B3GALT1: variants seen among roughly 807,000 people sequenced by gnomAD.
B3GALT1 encodes the protein beta-1,3-galactosyltransferase 1.
B3GALT1 carries 10 observed loss-of-function variants against 23.2 expected under a neutral mutation model. The observed-to-expected ratio is 0.43, with a 90% CI of 0.27 to 0.73. The LOEUF (loss-of-function observed/expected upper bound fraction) is 0.73. Ranked by LOEUF, B3GALT1 falls within the 30% of genes least tolerant of loss-of-function variation. B3GALT1 has a pLI of 0.21. For synonymous variants in B3GALT1, 156 were observed against 141.5 expected (o/e 1.10, Z -0.73); for missense variants, 299 against 405.4 (o/e 0.74, Z 2.25).
intron 3 of B3GALT1, among the ~76,000 whole-genome samples, chr2:167,648,447 A>G (rs993029131): frequency 2.4e-4 from 36 of 152,100 alleles, no homozygotes; most frequent in African/African-American, 8.4e-4. Flanking sequence ...CTTACAAGAA[A>G]TGTCTCTACT....
intron 2 of B3GALT1, among the ~76,000 whole-genome samples, chr2:167,553,921 G>A (rs536830865): frequency 6.6e-6 from 1 of 152,066 alleles, no homozygotes; most frequent in Admixed American, 6.6e-5. Context: ...TAATTATATG[G>A]TACATTTAGT....
intron 3 of B3GALT1, among the ~76,000 whole-genome samples, chr2:167,761,257 G>C (rs1242465519): frequency 1.3e-5 from 2 of 152,186 alleles, no homozygotes; most frequent in African/African-American, 4.8e-5. Context: ...AAATTATGAT[G>C]CTGGATTGAT....
At chr2:167,526,459 C>T (rs1182916672) in intron 2 of B3GALT1, among the ~76,000 whole-genome samples, 2 of 152,102 alleles carry the variant, frequency 1.3e-5, no homozygotes, top group African/African-American at 4.8e-5. Flanking sequence ...AAGAATATAA[C>T]CTTATCAACC....
chr2:167,490,953 C>T (rs1231971532), intron 2 of B3GALT1, among the ~76,000 whole-genome samples: 3 of 152,212 alleles, frequency 2.0e-5, no homozygotes, highest in East Asian at 3.9e-4. Flanking sequence ...TTTTTCTTCT[C>T]CGTTAACAAA....
At chr2:167,544,108 C>T (rs935801533) in intron 2 of B3GALT1, among the ~76,000 whole-genome samples, 2 of 152,134 alleles carry the variant, frequency 1.3e-5, no homozygotes, top group Non-Finnish European at 1.5e-5. Flanking sequence ...AGAATACATG[C>T]GTCCCCCAGA....
intron 1 of B3GALT1, among the ~76,000 whole-genome samples, chr2:167,360,288 A>G (rs1697480832): frequency 6.6e-6 from 1 of 152,198 alleles, no homozygotes; most frequent in East Asian, 1.9e-4. Flanking sequence ...AAGCAACTAC[A>G]TACTTCTGCT....
chr2:167,846,936 A>T (rs1689773816), intron 4 of B3GALT1, among the ~76,000 whole-genome samples: 1 of 152,234 alleles, frequency 6.6e-6, no homozygotes, highest in Non-Finnish European at 1.5e-5. Flanking sequence ...ATGGACACCA[A>T]AAATGAGCAG....
rs920699263 is a variant in B3GALT1, at chr2:167,870,943, A to C, written c.*923A>C. 4.8e-5 allele frequency: 8 copies of C among 166,952 alleles called. No homozygotes were observed. Among genetic ancestry groups the C allele is most frequent in the African/African-American group, 1.7e-4 (7 of 41,586 alleles). 10.3% of individuals were successfully genotyped at this position (166,952 alleles called of 1,614,324 possible). A position where few individuals can be genotyped will look rare whatever the true frequency, so the allele number is the denominator to read the frequency against. On this transcript the variant is annotated 3_prime_UTR_variant, in exon 5 of 5. Transcript: ENST00000392690. ...AAATACAAATTTAAGTATGCATTATAATTAACATAAGCTTAGCAATAGTAT... is the reference window on the plus strand; with the variant it reads ...AAATACAAATTTAAGTATGCATTATCATTAACATAAGCTTAGCAATAGTAT...
At chr2:167,350,053 C>A (rs539716051) in intron 1 of B3GALT1, among the ~76,000 whole-genome samples, 3 of 152,012 alleles carry the variant, frequency 2.0e-5, no homozygotes, top group Non-Finnish European at 4.4e-5. Flanking sequence ...TTTGTAATAA[C>A]CAATTGGGGA....
intron 2 of B3GALT1, among the ~76,000 whole-genome samples, chr2:167,544,217 G>A (rs996157756): frequency 3.9e-5 from 6 of 152,200 alleles, no homozygotes; most frequent in Non-Finnish European, 5.9e-5. Context: ...GACTTTGACC[G>A]AACTTGATCC....
Position 167,579,702 on chromosome 2 carries a change from C to T in B3GALT1, c.-409-67207C>T, listed in dbSNP as rs112360762. Among the ~76,000 whole-genome samples the T allele has an allele frequency of 9.5e-3, 1,447 of 152,114 alleles. 18 individuals are homozygous for T. Among genetic ancestry groups the T allele is most frequent in the African/African-American group, 0.033 (1,371 of 41,510 alleles). ...TGGAAGCCATTCCCTCTTGATACTG[C>T]AGTCAGTACCTTTGGTTCATCTTAT... On this transcript the variant is annotated intron_variant, in intron 2 of 4. Coordinates refer to ENST00000392690, the MANE Select transcript of B3GALT1 (RefSeq NM_020981.4).
At chr2:167,605,890 G>T (rs1684954583) in intron 2 of B3GALT1, among the ~76,000 whole-genome samples, 2 of 152,046 alleles carry the variant, frequency 1.3e-5, no homozygotes, top group Non-Finnish European at 2.9e-5. Flanking sequence ...GAATTAGATG[G>T]GATTTGAGTA....
intron 3 of B3GALT1, among the ~76,000 whole-genome samples, chr2:167,741,544 G>T (rs1458836559): frequency 6.6e-6 from 1 of 152,114 alleles, no homozygotes; most frequent in Non-Finnish European, 1.5e-5. Context: ...TAATAATAGA[G>T]ATTTGAAATT....
At chr2:167,621,698 G>A (rs1034914802) in intron 2 of B3GALT1, among the ~76,000 whole-genome samples, 1 of 152,076 alleles carries the variant, frequency 6.6e-6, no homozygotes, top group Non-Finnish European at 1.5e-5. Flanking sequence ...AATCATGGGA[G>A]TGGTTACCCC....
chr2:167,363,611 C>T lies in B3GALT1; in HGVS notation c.-511+70277C>T, dbSNP rs545179778. ...TTTTATATGCCCAGTACCTGGCTCA[C>T]GAGAGGAACTTAAACATCTGTGGAA... On this transcript the variant is annotated intron_variant, in intron 1 of 4. Transcript: ENST00000392690. 7.2e-5 allele frequency among the ~76,000 whole-genome samples: 11 copies of T among 152,152 alleles called. No individual in the cohort carries two copies. The South Asian group carries it at 2.3e-3, about 32-fold the overall frequency.
rs6737878 is a variant in B3GALT1 at position 167,620,277 on chromosome 2, C to G, written c.-409-26632C>G. Among the ~76,000 whole-genome samples, 314 of 152,072 alleles carry G rather than the reference C, an allele frequency of 2.1e-3. 2 individuals carry two copies. The highest frequency in any genetic ancestry group is 7.4e-3 in the African/African-American group (305 of 41,494). Reference sequence around the variant, plus strand: ...TGCTAAATAGCTCATATGGCTAACCCATAAATACAAAGAGAAGGTAGCTAG... The same window carrying G: ...TGCTAAATAGCTCATATGGCTAACCGATAAATACAAAGAGAAGGTAGCTAG... On this transcript the variant is annotated intron_variant, in intron 2 of 4. Coordinates refer to ENST00000392690, the MANE Select transcript of B3GALT1 (RefSeq NM_020981.4).
intron 4 of B3GALT1, among the ~76,000 whole-genome samples, chr2:167,836,276 T>C (rs1689468781): frequency 1.3e-5 from 2 of 152,054 alleles, no homozygotes; most frequent in Non-Finnish European, 2.9e-5. Flanking sequence ...TTAAAAACTT[T>C]GAAAAAAATT....
intron 3 of B3GALT1, among the ~76,000 whole-genome samples, chr2:167,744,623 C>G (rs1304317253): frequency 6.6e-6 from 1 of 151,700 alleles, no homozygotes; most frequent in African/African-American, 2.4e-5. Flanking sequence ...CAGAGTTACA[C>G]TCTTGTTGCC....
intron 3 of B3GALT1, among the ~76,000 whole-genome samples, chr2:167,691,592 A>G (rs1217612336): frequency 6.6e-6 from 1 of 152,154 alleles, no homozygotes; most frequent in African/African-American, 2.4e-5. Context: ...TCAGGAGGAC[A>G]GTTTTTGTCT....
Sources: allele counts gnomAD v4.1 joint callset (sites outside exome capture counted in the v4.1 genomes callset), GRCh38; gene constraint gnomAD v4.1.1; transcripts MANE v1.5; gene names NCBI Gene and HGNC (gene_info 2026-07-23, HGNC 2026-07-21).